Variants in EIF2AK2 observed in about 807,000 individuals in gnomAD.
EIF2AK2 encodes the protein eukaryotic translation initiation factor 2 alpha kinase 2.
EIF2AK2 carries 40 observed loss-of-function variants against 70.5 expected under a neutral mutation model. The ratio of observed to expected loss-of-function variants is 0.57; its 90% CI spans 0.44 to 0.74. The LOEUF is 0.74. EIF2AK2 is among the 30% of genes least tolerant of loss of function. The pLI is 0.00. For missense variants in EIF2AK2, 555 were observed against 644.3 expected, an observed-to-expected ratio of 0.86 and a Z score of 1.50; for synonymous variants, 198 against 220.9, an observed-to-expected ratio of 0.90 and a Z score of 0.92.
chr2:37,136,457 T>G (rs1675129402), intron 9 of EIF2AK2, among the ~76,000 whole-genome samples: 1 of 152,198 alleles, frequency 6.6e-6, no homozygotes, highest in Non-Finnish European at 1.5e-5. Flanking sequence ...CTCTCTTCTC[T>G]CCATCCAAGC....
rs1212585652 is a variant in EIF2AK2, at chr2:37,121,099, T to C, written c.1068-960A>G. 1.9e-4 allele frequency among the ~76,000 whole-genome samples: 28 copies of C among 147,710 alleles called. 1 individual carries two copies. Among genetic ancestry groups the C allele is most frequent in the Non-Finnish European group, 3.5e-4 (23 of 66,578 alleles). ...TAACACGGTGAAATCCCGTCTCTAC[T>C]AAAAATACAAAAAATTAGCCGGGCG... On this transcript the variant is annotated intron_variant, in intron 12 of 16. Transcript: ENST00000233057.
At chr2:37,136,745 C>A in intron 9 of EIF2AK2, 1 of 306,750 alleles carries the variant, frequency 3.3e-6, no homozygotes, top group East Asian at 6.0e-5. Context: ...AAAATAATGC[C>A]CTTAACCTAA....
intron 1 of EIF2AK2, among the ~76,000 whole-genome samples, chr2:37,151,740 G>A (rs900546846): frequency 5.9e-5 from 9 of 152,168 alleles, no homozygotes; most frequent in East Asian, 1.9e-4. Context: ...TCTACACAGC[G>A]GAATATTATT....
chr2:37,147,624 C>G, intron 3 of EIF2AK2, 64 bp downstream of exon 3: 1 of 1,078,362 alleles, frequency 9.3e-7, no homozygotes. Flanking sequence ...TCATCCATGT[C>G]CCTACAAAGG....
At chr2:37,134,901 G>T (rs929968041) in intron 10 of EIF2AK2, among the ~76,000 whole-genome samples, 1 of 152,168 alleles carries the variant, frequency 6.6e-6, no homozygotes, top group Non-Finnish European at 1.5e-5. Context: ...AATACGTTAG[G>T]AAGAGGAGGG....
At chr2:37,140,325 T>C (rs1314331045) in intron 5 of EIF2AK2, among the ~76,000 whole-genome samples, 1 of 152,190 alleles carries the variant, frequency 6.6e-6, no homozygotes, top group Non-Finnish European at 1.5e-5. Flanking sequence ...CTATTAGATG[T>C]AAGGACATTT....
At chr2:37,140,032 G>C in intron 5 of EIF2AK2, among the ~76,000 whole-genome samples, 1 of 74,742 alleles carries the variant, frequency 1.3e-5, no homozygotes, top group East Asian at 4.7e-4. Context: ...AAGGCACTAA[G>C]TGGTGATTTT....
chr2:37,125,894 T>C (rs900161285), intron 11 of EIF2AK2, among the ~76,000 whole-genome samples: 23 of 152,362 alleles, frequency 1.5e-4, no homozygotes, highest in African/African-American at 5.5e-4. Flanking sequence ...CTCTGGATCT[T>C]AGTTTCCTCA....
intron 1 of EIF2AK2, among the ~76,000 whole-genome samples, chr2:37,155,031 A>G (rs1675876497): frequency 6.7e-6 from 1 of 150,032 alleles, no homozygotes; most frequent in Non-Finnish European, 1.5e-5. Context: ...GCTCTTTTCT[A>G]CTTGGACTCA....
At chr2:37,115,100 T>TGCA (rs1033215888) in intron 13 of EIF2AK2, 2 of 185,036 alleles carry the variant, frequency 1.1e-5, no homozygotes, top group African/African-American at 4.8e-5. Flanking sequence ...CAAGCTGGAG[T>TGCA]GCAGTGGTGC....
intron 3 of EIF2AK2, among the ~76,000 whole-genome samples, chr2:37,147,463 T>A (rs13021123): frequency 5.8e-5 from 4 of 68,716 alleles, no homozygotes; most frequent in Non-Finnish European, 8.0e-5. Context: ...CCCTCCCCCC[T>A]CCCCCCACCC....
intron 13 of EIF2AK2, among the ~76,000 whole-genome samples, chr2:37,117,212 AAAAAAAAAAAAAAAAG>A (rs1674375970): frequency 7.2e-6 from 1 of 139,414 alleles, no homozygotes; most frequent in Admixed American, 7.2e-5. Context: ...ACTCTGTCTC[AAAAAAAAAAAAAAAAG>A]AAAAAAGAAA....
intron 12 of EIF2AK2, among the ~76,000 whole-genome samples, chr2:37,121,456 G>C (rs1233070832): frequency 2.0e-5 from 3 of 151,938 alleles, no homozygotes; most frequent in African/African-American, 7.3e-5. Flanking sequence ...AAGCATGAAA[G>C]GCACCTAGAG....
At chr2:37,147,878 G>A in intron 2 of EIF2AK2, 56 bp from the exon 3 acceptor site, 1 of 1,261,930 alleles carries the variant, frequency 7.9e-7, no homozygotes. Context: ...TTTAATCTGA[G>A]TTTCCCAATG....
At chr2:37,148,195 C>T (rs1308762543) in intron 2 of EIF2AK2, among the ~76,000 whole-genome samples, 2 of 152,118 alleles carry the variant, frequency 1.3e-5, no homozygotes, top group Middle Eastern at 3.2e-3. Context: ...AAAAAAAACT[C>T]AACTGGTCAG....
chr2:37,124,781 G>A (rs904692494), intron 11 of EIF2AK2, among the ~76,000 whole-genome samples: 4 of 148,132 alleles, frequency 2.7e-5, no homozygotes, highest in African/African-American at 1.0e-4. Flanking sequence ...AGGCTGTAGT[G>A]CAGTGGTGTG....
At chr2:37,131,118 T>C (rs1157070278) in intron 10 of EIF2AK2, among the ~76,000 whole-genome samples, 1 of 152,216 alleles carries the variant, frequency 6.6e-6, no homozygotes, top group Non-Finnish European at 1.5e-5. Flanking sequence ...ACTAAACCTC[T>C]TTATGAACAC....
In EIF2AK2 at chr2:37,149,063, C is replaced by G. The variant is rs932485462; in HGVS notation, c.-183-40G>C. 3.0e-6 allele frequency: 3 copies of G among 993,774 alleles called. No homozygotes were observed. In the East Asian group the frequency reaches 7.1e-5, roughly 24 times the overall value. The allele number at this position is 993,774 out of a possible 1,614,324, so 61.6% of individuals were successfully genotyped here. ...AAAAGAAGGCTTAAAAAAATGCAAC[C>G]GCTGGTTCAGACAGACGAGTGATAC... On this transcript the variant is annotated intron_variant, in intron 1 of 16. Transcript: ENST00000233057.
At chr2:37,131,869 A>T (rs1674952220) in intron 10 of EIF2AK2, among the ~76,000 whole-genome samples, 1 of 152,224 alleles carries the variant, frequency 6.6e-6, no homozygotes. Context: ...GCCCTAATGA[A>T]AGCATTAACC....
Sources: gnomAD v4.1 joint callset for allele counts (sites outside exome capture counted in the v4.1 genomes callset) on GRCh38, gnomAD v4.1.1 for gene constraint, MANE v1.5 for transcripts, NCBI Gene and HGNC (gene_info 2026-07-23, HGNC 2026-07-21) for gene names.